Variants in TXLNG observed in about 807,000 individuals in gnomAD.
TXLNG encodes taxilin gamma.
Under a neutral mutation model 38.8 loss-of-function variants are expected in TXLNG, and 5 were observed. The ratio of observed to expected loss-of-function variants is 0.13; its 90% CI spans 0.07 to 0.27. TXLNG has a LOEUF of 0.27. Ranked by LOEUF, TXLNG falls within the 10% of genes least tolerant of loss-of-function variation. TXLNG has a pLI of 1.00. For missense variants in TXLNG, 393 were observed against 398.2 expected, an observed-to-expected ratio of 0.99 and a Z score of 0.11; for synonymous variants, 182 against 158.2, an observed-to-expected ratio of 1.15 and a Z score of -1.13.
chrX:16,830,303 TA>T (rs1487985384), intron 5 of TXLNG, among the ~76,000 whole-genome samples: 1 of 108,818 alleles, frequency 9.2e-6, no homozygotes, highest in Admixed American at 9.8e-5. Context: ...GATCCATGGC[TA>T]ATGAACTTGG....
chrX:16,799,976 C>G (rs1471524347), intron 1 of TXLNG, among the ~76,000 whole-genome samples: 1 of 109,690 alleles, frequency 9.1e-6, no homozygotes, highest in Admixed American at 9.7e-5. Flanking sequence ...GAGTCTCACT[C>G]TAGCCCAGGC....
Position 16,787,047 on chromosome X carries a change from C to T in TXLNG, c.102+458C>T, listed in dbSNP as rs1927516385. 4.4e-5 allele frequency among the ~76,000 whole-genome samples: 5 copies of T among 113,052 alleles called. No homozygotes were observed. In the South Asian group the frequency reaches 1.8e-3, roughly 40 times the overall value. On this transcript the variant is annotated intron_variant, in intron 1 of 9. Coordinates refer to ENST00000380122, the MANE Select transcript of TXLNG (RefSeq NM_018360.3). Reference sequence around the variant, plus strand: ...TGGCGTCGGGCAGGTGCGCAGGGCGCGCTGCGGGGTGCCCCCGGGCTGCTC... The same window carrying T: ...TGGCGTCGGGCAGGTGCGCAGGGCGTGCTGCGGGGTGCCCCCGGGCTGCTC...
intron 1 of TXLNG, among the ~76,000 whole-genome samples, chrX:16,806,107 A>T (rs2147469970): frequency 8.9e-6 from 1 of 112,926 alleles, no homozygotes; most frequent in South Asian, 3.6e-4. Context: ...ACACTGTTTT[A>T]AATGACTTAT....
intron 9 of TXLNG, among the ~76,000 whole-genome samples, chrX:16,841,168 C>G (rs1392415606): frequency 9.1e-6 from 1 of 109,570 alleles, no homozygotes; most frequent in Non-Finnish European, 1.9e-5. Context: ...GCACTCCAGC[C>G]TGGCAACAGA....
At chrX:16,814,626 TAGGC>T in intron 1 of TXLNG, among the ~76,000 whole-genome samples, 1 of 110,319 alleles carries the variant, frequency 9.1e-6, no homozygotes, top group Non-Finnish European at 1.9e-5. Context: ...AAAGAAAAAA[TAGGC>T]AGACTCAAAA....
chrX:16,811,809 TTA>T (rs1458864393), intron 1 of TXLNG, among the ~76,000 whole-genome samples: 1 of 107,895 alleles, frequency 9.3e-6, no homozygotes, highest in African/African-American at 3.4e-5. Flanking sequence ...CAGCTAATTT[TTA>T]TGTTTTTAGT....
chrX:16,839,740 C>T (rs1929724098), intron 8 of TXLNG, 81 bp from the exon 9 acceptor site: 1 of 707,594 alleles, frequency 1.4e-6, no homozygotes, highest in Non-Finnish European at 2.1e-6. Context: ...GGGAGGGGCA[C>T]AGAAACATTT....
At position 16,843,369 on chromosome X, in the gene TXLNG, C is replaced by T. The variant is rs758449308; in HGVS notation, c.*1603C>T. The stretch of plus-strand genomic sequence containing the variant: ...GAGGAGGGTTGTATCTAAGCCTCCA[C>T]TATCAGTCATGTTAATTCAAGGGGC... On this transcript the variant is annotated 3_prime_UTR_variant, in exon 10 of 10. Coordinates refer to ENST00000380122, the MANE Select transcript of TXLNG (RefSeq NM_018360.3). The T allele has an allele frequency of 1.8e-5, 2 of 111,665 alleles. No individual in the cohort carries two copies. Among genetic ancestry groups the T allele is most frequent in the South Asian group, 7.5e-4 (2 of 2,681 alleles). The allele number at this position is 111,665 out of a possible 1,213,427, so 9.2% of individuals were successfully genotyped here. A position where few individuals can be genotyped will look rare whatever the true frequency, so the allele number is the denominator to read the frequency against.
chrX:16,829,161 T>C (rs1469409764), intron 4 of TXLNG, among the ~76,000 whole-genome samples: 1 of 111,943 alleles, frequency 8.9e-6, no homozygotes, highest in Admixed American at 9.5e-5. Context: ...TTCTTTTTAA[T>C]CATCAGAAAG....
intron 1 of TXLNG, among the ~76,000 whole-genome samples, chrX:16,797,623 A>C (rs1222934351): frequency 1.8e-5 from 2 of 112,489 alleles, no homozygotes; most frequent in East Asian, 5.6e-4. Context: ...GCATCTCACA[A>C]CATGGCAGCT....
In TXLNG at chrX:16,827,936, G is replaced by T. The variant is rs143856566; in HGVS notation, c.499-158G>T. Among the ~76,000 whole-genome samples, 570 of 111,995 alleles carry T rather than the reference G, an allele frequency of 5.1e-3. 1 individual carries two copies. The highest frequency in any genetic ancestry group is 0.018 in the African/African-American group (551 of 30,874). ...ACAACTGGAAGAGGAGAGAAGAGAA[G>T]GGTGGCAGTGTAGCATGGCATGAAA... On this transcript the variant is annotated intron_variant, in intron 3 of 9. Transcript: ENST00000380122.
At chrX:16,820,307 T>C in intron 3 of TXLNG, 52 bp downstream of exon 3, 1 of 979,334 alleles carries the variant, frequency 1.0e-6, no homozygotes, top group South Asian at 2.2e-5. Context: ...ACAAAATGTG[T>C]GTGTGCTTGA....
intron 8 of TXLNG, among the ~76,000 whole-genome samples, chrX:16,838,067 T>C (rs1249182120): frequency 3.6e-5 from 4 of 111,762 alleles, no homozygotes; most frequent in African/African-American, 1.3e-4. Context: ...AGAATAATAA[T>C]CATATATTTT....
intron 1 of TXLNG, among the ~76,000 whole-genome samples, chrX:16,809,002 A>G (rs1055715154): frequency 8.9e-6 from 1 of 111,874 alleles, no homozygotes; most frequent in Non-Finnish European, 1.9e-5. Flanking sequence ...CTAAACATCA[A>G]TTTTGCCACC....
intron 1 of TXLNG, among the ~76,000 whole-genome samples, chrX:16,818,118 G>A (rs1219486497): frequency 9.0e-6 from 1 of 111,373 alleles, no homozygotes; most frequent in Non-Finnish European, 1.9e-5. Flanking sequence ...AATAGTCCCT[G>A]GCTGGGCACT....
chrX:16,829,832 C>T, intron 5 of TXLNG, 62 bp downstream of exon 5: 1 of 1,103,695 alleles, frequency 9.1e-7, no homozygotes, highest in African/African-American at 1.8e-5. Flanking sequence ...ACCATTCATA[C>T]CTAAAGTAAA....
At chrX:16,831,073 A>G (rs1280919566) in intron 5 of TXLNG, among the ~76,000 whole-genome samples, 1 of 111,312 alleles carries the variant, frequency 9.0e-6, no homozygotes, top group Non-Finnish European at 1.9e-5. Context: ...TTCCATTGAT[A>G]TTTGAATGTA....
chrX:16,805,007 T>TTTG lies in TXLNG; in HGVS notation c.103-13567_103-13566insTTG, dbSNP rs1162642529. 6.5e-4 allele frequency among the ~76,000 whole-genome samples: 25 copies of TTTG among 38,734 alleles called. 1 individual carries two copies. The highest frequency in any genetic ancestry group is 1.2e-3 in the African/African-American group (15 of 12,571). The allele number at this position is 38,734 out of a possible 115,157, so 33.6% of individuals were successfully genotyped here. On this transcript the variant is annotated intron_variant, in intron 1 of 9. Transcript: ENST00000380122. ...CCGCTTTTTTTTTTTTTTTTTTTTTTGAGAGACAGAGCCTGGCTGTGTTGC... is the reference window on the plus strand; with the variant it reads ...CCGCTTTTTTTTTTTTTTTTTTTTTTTTGGAGAGACAGAGCCTGGCTGTGTTGC...
chrX:16,837,736 C>T (rs776430385), intron 8 of TXLNG, 51 bp downstream of exon 8: 3 of 953,434 alleles, frequency 3.1e-6, no homozygotes, highest in Non-Finnish European at 4.4e-6. Context: ...TTTGTATAAG[C>T]TCTTTTAAGT....
Sources: gnomAD v4.1 joint callset for allele counts (sites outside exome capture counted in the v4.1 genomes callset) on GRCh38, gnomAD v4.1.1 for gene constraint, MANE v1.5 for transcripts, NCBI Gene and HGNC (gene_info 2026-07-23, HGNC 2026-07-21) for gene names.